Variants in CDC73 observed in about 807,000 individuals in gnomAD.
The protein encoded by CDC73 is parafibromin.
Under a neutral mutation model 83.7 loss-of-function variants are expected in CDC73, and 21 were observed. The observed-to-expected ratio is 0.25, with a 90% confidence interval of 0.18 to 0.36. The LOEUF (loss-of-function observed/expected upper bound fraction) is 0.36, where lower values mean the gene tolerates loss of function less well. Among genes scored for constraint, CDC73 ranks in the 10% least tolerant of loss-of-function variants. The pLI, the probability that CDC73 is intolerant of heterozygous loss-of-function variation, is 1.00. For missense variants in CDC73, 342 were observed against 653.3 expected (o/e 0.52, Z 5.19); for synonymous variants, 224 against 212.9 (o/e 1.05, Z -0.45).
At position 193,187,102 on chromosome 1, in the gene CDC73, T is replaced by TCCCCCCC. The variant is rs3079946; in HGVS notation, c.973-16689_973-16683dup. Among the ~76,000 whole-genome samples, 202 of 32,234 alleles carry TCCCCCCC rather than the reference T, an allele frequency of 6.3e-3. 17 individuals are homozygous for TCCCCCCC. Among genetic ancestry groups the TCCCCCCC allele is most frequent in the Non-Finnish European group, 9.5e-3 (135 of 14,200 alleles). 21.1% of individuals were successfully genotyped at this position (32,234 alleles called of 152,430 possible). On this transcript the variant is annotated intron_variant, in intron 10 of 16. Transcript: ENST00000367435. ...AAACCATGTATCTTTGTAATTTAGATCCCCCCCCCCGTTTTCTGGGGTTTG... is the reference window on the plus strand; with the variant it reads ...AAACCATGTATCTTTGTAATTTAGATCCCCCCCCCCCCCCCCCGTTTTCTGGGGTTTG...
chr1:193,242,375 A>T (rs548372812), intron 15 of CDC73, among the ~76,000 whole-genome samples: 1 of 152,234 alleles, frequency 6.6e-6, no homozygotes, highest in South Asian at 2.1e-4. Context: ...TGAGGTGGGA[A>T]TGTGGACCAT....
At chr1:193,202,666 C>T (rs1449701824) in intron 10 of CDC73, among the ~76,000 whole-genome samples, 4 of 141,058 alleles carry the variant, frequency 2.8e-5, no homozygotes, top group South Asian at 2.3e-4. Context: ...CCTGCTCCTG[C>T]GGCTGTTGTT....
At chr1:193,127,289 ATGTGT>A (rs1675595340) in intron 2 of CDC73, among the ~76,000 whole-genome samples, 1 of 143,188 alleles carries the variant, frequency 7.0e-6, no homozygotes, top group Non-Finnish European at 1.5e-5. Context: ...AAAAAAAAAA[ATGTGT>A]GTGTGTGTGT....
chr1:193,127,376 C>T (rs1675597870), intron 2 of CDC73, among the ~76,000 whole-genome samples: 1 of 150,600 alleles, frequency 6.6e-6, no homozygotes, highest in Admixed American at 6.6e-5. Context: ...AACCATAAGG[C>T]TTCTGCTTTC....
intron 10 of CDC73, among the ~76,000 whole-genome samples, chr1:193,173,486 A>G (rs1159366074): frequency 6.6e-6 from 1 of 152,200 alleles, no homozygotes; most frequent in South Asian, 2.1e-4. Context: ...GTGCCATTGT[A>G]TACAACAAAA....
At chr1:193,183,778 A>C (rs144802932) in intron 10 of CDC73, among the ~76,000 whole-genome samples, 2 of 152,018 alleles carry the variant, frequency 1.3e-5, no homozygotes, top group African/African-American at 4.8e-5. Context: ...ATCTGTTCTA[A>C]GTGTTACAAA....
At chr1:193,130,391 T>C (rs1056299945) in intron 3 of CDC73, 148 bp downstream of exon 3, 11 of 692,106 alleles carry the variant, frequency 1.6e-5, no homozygotes, top group African/African-American at 1.1e-4. Context: ...CTTTTTCTTA[T>C]ACAGTGGATG....
intron 10 of CDC73, chr1:193,186,259 T>G (rs1676804466): frequency 2.0e-5 from 3 of 152,458 alleles, no homozygotes; most frequent in Non-Finnish European, 4.4e-5. Context: ...TTTCTCTCTT[T>G]CGTTAAACAA....
chr1:193,158,083 T>A (rs1370814919), intron 10 of CDC73, among the ~76,000 whole-genome samples: 2 of 150,960 alleles, frequency 1.3e-5, no homozygotes, highest in African/African-American at 4.9e-5. Flanking sequence ...TACTTATAAT[T>A]TATTATATTT....
chr1:193,137,976 C>G (rs1675830222), intron 5 of CDC73, 109 bp from the exon 6 acceptor site: 3 of 804,334 alleles, frequency 3.7e-6, no homozygotes, highest in Admixed American at 1.8e-5. Context: ...ACACTGATAC[C>G]TAGAATTGTA....
rs1018190453 is a variant in CDC73 at position 193,253,692 on chromosome 1, AATTT to A, written c.*2981_*2984del. 1 of 231,734 alleles carries A rather than the reference AATTT, an allele frequency of 4.3e-6. No homozygotes were observed. Among genetic ancestry groups the A allele is most frequent in the African/African-American group, 2.2e-5 (1 of 45,306 alleles). 14.4% of individuals were successfully genotyped at this position (231,734 alleles called of 1,614,324 possible). On this transcript the variant is annotated 3_prime_UTR_variant, in exon 17 of 17. Coordinates refer to ENST00000367435, the MANE Select transcript of CDC73 (RefSeq NM_024529.5). ...TAATTCATAATGAGGAAAATCTCATAATTTTTAAGGCAGAAAGAAGTATTAATTT... is the reference window on the plus strand; with the variant it reads ...TAATTCATAATGAGGAAAATCTCATATTAAGGCAGAAAGAAGTATTAATTT...
At chr1:193,176,000 A>T (rs1429018199) in intron 10 of CDC73, among the ~76,000 whole-genome samples, 2 of 151,378 alleles carry the variant, frequency 1.3e-5, no homozygotes, top group Admixed American at 6.6e-5. Flanking sequence ...GATTGTAGTT[A>T]TTTTTTTTTC....
intron 7 of CDC73, among the ~76,000 whole-genome samples, chr1:193,142,946 G>A (rs1558285420): frequency 1.3e-5 from 2 of 151,886 alleles, no homozygotes; most frequent in African/African-American, 2.4e-5. Flanking sequence ...TCTCTTAAAT[G>A]TTTTCTCCAC....
At chr1:193,163,152 T>G (rs1031237661) in intron 10 of CDC73, among the ~76,000 whole-genome samples, 3 of 12,462 alleles carry the variant, frequency 2.4e-4, no homozygotes, top group African/African-American at 7.0e-4. Context: ...TTTGTGGGGT[T>G]GTGTGTGTGT....
intron 13 of CDC73, among the ~76,000 whole-genome samples, chr1:193,217,173 C>T (rs1469703281): frequency 6.6e-6 from 1 of 152,116 alleles, no homozygotes; most frequent in Non-Finnish European, 1.5e-5. Flanking sequence ...TAGGGGAGCA[C>T]ACCGACGGGC....
At chr1:193,204,889 A>G (rs1677160217) in intron 11 of CDC73, among the ~76,000 whole-genome samples, 1 of 152,216 alleles carries the variant, frequency 6.6e-6, no homozygotes, top group Non-Finnish European at 1.5e-5. Context: ...TTCCTGCAGC[A>G]GCACAGAATT....
chr1:193,142,095 G>C (rs1572154931), intron 7 of CDC73, 29 bp downstream of exon 7: 1 of 1,529,334 alleles, frequency 6.5e-7, no homozygotes, highest in African/African-American at 1.4e-5. Flanking sequence ...TCATTCATTG[G>C]AGTGAGAGAG....
intron 2 of CDC73, among the ~76,000 whole-genome samples, chr1:193,125,491 C>T (rs538684340): frequency 1.3e-5 from 2 of 152,254 alleles, no homozygotes; most frequent in African/African-American, 4.8e-5. Context: ...TGAACTCCTA[C>T]CCTCAGTGGA....
rs187822960 is a variant in CDC73, at chr1:193,173,296, C to T, written c.972+20852C>T. 7.2e-5 allele frequency among the ~76,000 whole-genome samples: 11 copies of T among 152,238 alleles called. No individual in the cohort carries two copies. The East Asian group carries it at 1.3e-3, about 19-fold the overall frequency. Reference sequence around the variant, plus strand: ...GTAAATATAATGAGAGAAAATAGCACGTGATCTTCCATCTTCCCATCACAC... The same window carrying T: ...GTAAATATAATGAGAGAAAATAGCATGTGATCTTCCATCTTCCCATCACAC... On this transcript the variant is annotated intron_variant, in intron 10 of 16. Transcript: ENST00000367435.
Sources: gnomAD v4.1 joint callset for allele counts (sites outside exome capture counted in the v4.1 genomes callset) on GRCh38, gnomAD v4.1.1 for gene constraint, MANE v1.5 for transcripts, NCBI Gene and HGNC (gene_info 2026-07-23, HGNC 2026-07-21) for gene names.